The following SMIM27 variants were observed in gnomAD, a reference collection of about 807,000 sequenced individuals.
The protein encoded by SMIM27 is TOPORS antisense RNA 1 (non-protein coding).
SMIM27 carries 3 observed loss-of-function variants against 1.8 expected under a neutral mutation model. The observed-to-expected ratio is 1.65, with a 90% CI of 0.75 to 4.28. The LOEUF (loss-of-function observed/expected upper bound fraction) is 4.28. SMIM27 is among the 30% of genes most tolerant of loss of function. The pLI is 0.02. For synonymous variants in SMIM27, 19 were observed against 13.9 expected (o/e 1.37, Z -0.82); for missense variants, 63 against 37.0 (o/e 1.70, Z -1.83).
chr9:32,557,246 C>T (rs1181725234), downstream of SMIM27, among the ~76,000 whole-genome samples: 2 of 149,992 alleles, frequency 1.3e-5, no homozygotes, highest in Non-Finnish European at 3.0e-5. Context: ...CACACTGCAA[C>T]TTCTGCCTTC....
downstream of SMIM27, among the ~76,000 whole-genome samples, chr9:32,557,305 A>G (rs1461911406): frequency 6.7e-6 from 1 of 148,814 alleles, no homozygotes; most frequent in African/African-American, 2.5e-5. Flanking sequence ...CTGGGATTAC[A>G]GGCGTGCACC....
downstream of SMIM27, among the ~76,000 whole-genome samples, chr9:32,557,989 T>A (rs974548174): frequency 1.3e-5 from 2 of 152,246 alleles, no homozygotes; most frequent in Admixed American, 1.3e-4. Context: ...GAACATAGTA[T>A]GTATTCTACT....
chr9:32,552,431 T>C lies in SMIM27; in HGVS notation c.-4T>C, dbSNP rs2040734643. 4 of 1,609,444 alleles carry C rather than the reference T, an allele frequency of 2.5e-6. No homozygotes were observed. The highest frequency in any genetic ancestry group is 3.4e-4 in the Middle Eastern group (2 of 5,850). On this transcript the variant is annotated 5_prime_UTR_variant, in exon 1 of 2. Coordinates refer to ENST00000692500, the MANE Select transcript of SMIM27 (RefSeq NM_001387564.1). The stretch of plus-strand genomic sequence containing the variant: ...CTCCCGCGGACTGCTGCCGCCTCCT[T>C]ACCATGAAGCCAGTAAGTCGTCGCA...
chr9:32,566,689 A>T, exon 2 of SMIM27: 1 of 825,730 alleles, frequency 1.2e-6, no homozygotes, highest in Non-Finnish European at 2.2e-6. Flanking sequence ...TCACAGCTGT[A>T]TCTCAGATAG....
downstream of SMIM27, chr9:32,553,189 A>T (rs771645352): frequency 4.9e-5 from 15 of 306,272 alleles, 1 homozygote; most frequent in Non-Finnish European, 7.8e-5. Flanking sequence ...TTCAAAAATG[A>T]TTCGGAAAGC....
At chr9:32,563,057 T>G (rs1821672376) in intron 1 of SMIM27, among the ~76,000 whole-genome samples, 2 of 152,258 alleles carry the variant, frequency 1.3e-5, no homozygotes, top group African/African-American at 4.8e-5. Flanking sequence ...AGTTTGGGTT[T>G]ATCTTCTGTT....
intron 1 of SMIM27, among the ~76,000 whole-genome samples, chr9:32,562,195 T>C (rs757019772): frequency 3.3e-5 from 5 of 152,220 alleles, no homozygotes; most frequent in Admixed American, 6.5e-5. Flanking sequence ...CTCCGTACTC[T>C]TTCCCAAATT....
At chr9:32,562,372 T>A (rs1226865861) in intron 1 of SMIM27, among the ~76,000 whole-genome samples, 1 of 152,050 alleles carries the variant, frequency 6.6e-6, no homozygotes, top group Admixed American at 6.5e-5. Context: ...AATCAGAATT[T>A]TAAAGAGTCT....
At chr9:32,561,581 A>C (rs145387758) in intron 1 of SMIM27, among the ~76,000 whole-genome samples, 1,523 of 152,218 alleles carry the variant, frequency 0.01, 32 homozygotes, top group African/African-American at 0.035. Context: ...CACCCGCCTC[A>C]GCCTCCCAAA....
chr9:32,552,741 G>A (rs1821328482), intron 1 of SMIM27, 60 bp from the exon 2 acceptor site: 1 of 682,840 alleles, frequency 1.5e-6, no homozygotes, highest in Non-Finnish European at 2.7e-6. Context: ...ACGGTAACCT[G>A]ACGGGGGCGA....
intron 1 of SMIM27, chr9:32,558,809 G>T: frequency 1.2e-6 from 1 of 805,282 alleles, no homozygotes; most frequent in South Asian, 2.2e-5. Context: ...AACCGAAAGT[G>T]AGAAGGAAAG....
chr9:32,564,355 C>T (rs966881459), intron 1 of SMIM27, among the ~76,000 whole-genome samples: 1 of 152,026 alleles, frequency 6.6e-6, no homozygotes, highest in Non-Finnish European at 1.5e-5. Context: ...TTGCACTTTG[C>T]TTTACTGCAC....
Position 32,552,992 on chromosome 9 carries a change from T to G in SMIM27, c.*69T>G, listed in dbSNP as rs780379638. Reference sequence around the variant, plus strand: ...TGCTTATGTAGATATAAAAATAAAATTCATAATGCAAAGTTCCCAAGTTTA... The same window carrying G: ...TGCTTATGTAGATATAAAAATAAAAGTCATAATGCAAAGTTCCCAAGTTTA... On this transcript the variant is annotated 3_prime_UTR_variant, in exon 2 of 2. Transcript: ENST00000692500. 1 of 606,906 alleles carries G rather than the reference T, an allele frequency of 1.6e-6. No individual in the cohort carries two copies. Among genetic ancestry groups the G allele is most frequent in the Non-Finnish European group, 2.9e-6 (1 of 339,656 alleles). 37.6% of individuals were successfully genotyped at this position (606,906 alleles called of 1,614,324 possible).
upstream of SMIM27, chr9:32,552,310 C>G (rs1301029914): frequency 1.4e-6 from 2 of 1,390,256 alleles, no homozygotes; most frequent in African/African-American, 2.9e-5. Flanking sequence ...CTGCACGAAG[C>G]GAGTGGGCGG....
At chr9:32,552,192 A>G, upstream of SMIM27, 2 of 581,122 alleles carry the variant, frequency 3.4e-6, no homozygotes, top group Admixed American at 3.1e-5. Flanking sequence ...AAAAAAAAAA[A>G]GCAATTTTTA....
At chr9:32,558,416 T>C (rs1435201103) in intron 1 of SMIM27, among the ~76,000 whole-genome samples, 2 of 152,160 alleles carry the variant, frequency 1.3e-5, no homozygotes, top group Non-Finnish European at 2.9e-5. Flanking sequence ...TGGCCCATAG[T>C]ATAAAATTTA....
chr9:32,555,853 A>C (rs1821440824), downstream of SMIM27, among the ~76,000 whole-genome samples: 1 of 152,224 alleles, frequency 6.6e-6, no homozygotes, highest in African/African-American at 2.4e-5. Flanking sequence ...TTTCAAGAAA[A>C]CAAAATCAGT....
chr9:32,558,445 A>T (rs763534270), intron 1 of SMIM27, among the ~76,000 whole-genome samples: 2 of 152,208 alleles, frequency 1.3e-5, no homozygotes, highest in Non-Finnish European at 2.9e-5. Flanking sequence ...ATTAGTGGAT[A>T]TTAAATTCAC....
Position 32,552,348 on chromosome 9 carries a change from G to C in SMIM27, c.-87G>C. The C allele has an allele frequency of 6.4e-7, 1 of 1,556,442 alleles. No individual in the cohort carries two copies. The highest frequency in any genetic ancestry group is 8.7e-7 in the Non-Finnish European group (1 of 1,145,606). ...GCTCGTGCCCGGCTAAAAGATGGCT[G>C]CTGGCGCCTGGCAGCCACCGCCTGG... On this transcript the variant is annotated 5_prime_UTR_variant, in exon 1 of 2. Transcript: ENST00000692500.
Sources: gnomAD v4.1 joint callset for allele counts (sites outside exome capture counted in the v4.1 genomes callset) on GRCh38, gnomAD v4.1.1 for gene constraint, MANE v1.5 for transcripts, NCBI Gene and HGNC (gene_info 2026-07-23, HGNC 2026-07-21) for gene names.